Variants in OSTN observed in about 807,000 individuals in gnomAD.
OSTN encodes the protein osteocrin.
In OSTN, 9 loss-of-function variants were observed where a neutral mutation model predicts 12.0. The observed-to-expected ratio is 0.75, with a 90% confidence interval of 0.45 to 1.30. The LOEUF (loss-of-function observed/expected upper bound fraction) is 1.30, where lower values mean the gene tolerates loss of function less well. OSTN is among the 50% of genes most tolerant of loss of function. The pLI, the probability that OSTN is intolerant of heterozygous loss-of-function variation, is 0.00. For synonymous variants in OSTN, 59 were observed against 56.9 expected, an observed-to-expected ratio of 1.04 and a Z score of -0.16; for missense variants, 148 against 152.3, an observed-to-expected ratio of 0.97 and a Z score of 0.15.
At chr3:191,203,282 C>T (rs1714192616) in intron 1 of OSTN, among the ~76,000 whole-genome samples, 1 of 152,176 alleles carries the variant, frequency 6.6e-6, no homozygotes, top group Non-Finnish European at 1.5e-5. Context: ...TGCTGAGATG[C>T]AATGGTGAAC....
chr3:191,230,437 G>A (rs933050389), intron 3 of OSTN, among the ~76,000 whole-genome samples: 4 of 151,688 alleles, frequency 2.6e-5, no homozygotes, highest in South Asian at 2.1e-4. Flanking sequence ...GGTGGTGGGC[G>A]CCTGTAGCCC....
intron 2 of OSTN, among the ~76,000 whole-genome samples, chr3:191,218,137 G>A (rs1014075242): frequency 6.6e-6 from 1 of 152,126 alleles, no homozygotes; most frequent in Non-Finnish European, 1.5e-5. Flanking sequence ...AAGCACTATG[G>A]GAATGATAAG....
intron 4 of OSTN, among the ~76,000 whole-genome samples, chr3:191,250,824 C>A (rs1715544789): frequency 6.6e-6 from 1 of 152,098 alleles, no homozygotes; most frequent in Admixed American, 6.5e-5. Context: ...TGTTCCAGGC[C>A]TTATACTTGG....
chr3:191,226,120 T>C (rs1714903187), intron 3 of OSTN, among the ~76,000 whole-genome samples: 2 of 152,082 alleles, frequency 1.3e-5, no homozygotes, highest in African/African-American at 4.8e-5. Context: ...TATATGAATA[T>C]CGAGACAAAA....
intron 3 of OSTN, among the ~76,000 whole-genome samples, chr3:191,248,433 T>C (rs1323950442): frequency 6.6e-6 from 1 of 152,248 alleles, no homozygotes; most frequent in Non-Finnish European, 1.5e-5. Flanking sequence ...TTTTCATTCA[T>C]GTTTAGCGTT....
At chr3:191,239,805 T>C (rs747558975) in intron 3 of OSTN, among the ~76,000 whole-genome samples, 10 of 152,202 alleles carry the variant, frequency 6.6e-5, no homozygotes, top group Non-Finnish European at 7.4e-5. Context: ...CAGCCTTTTA[T>C]TCACTCCTTC....
chr3:191,245,771 A>G (rs1715414979), intron 3 of OSTN, among the ~76,000 whole-genome samples: 1 of 152,168 alleles, frequency 6.6e-6, no homozygotes, highest in Non-Finnish European at 1.5e-5. Context: ...CGTATCTCGA[A>G]AAGAGTAAAA....
chr3:191,243,164 C>A (rs1715358077), intron 3 of OSTN, among the ~76,000 whole-genome samples: 1 of 152,050 alleles, frequency 6.6e-6, no homozygotes, highest in South Asian at 2.1e-4. Flanking sequence ...CAAGGATTAG[C>A]ATAAATTTGA....
intron 4 of OSTN, among the ~76,000 whole-genome samples, chr3:191,261,300 A>C (rs765128181): frequency 6.6e-6 from 1 of 152,188 alleles, no homozygotes; most frequent in Non-Finnish European, 1.5e-5. Flanking sequence ...AGAATGAAGG[A>C]CCCAATCTAC....
intron 4 of OSTN, among the ~76,000 whole-genome samples, chr3:191,257,169 G>C (rs747027575): frequency 5.4e-4 from 57 of 105,364 alleles, no homozygotes; most frequent in Admixed American, 9.0e-4. Flanking sequence ...CTGGGTGACA[G>C]AGCAAAACCC....
At chr3:191,228,382 G>A (rs1257586476) in intron 3 of OSTN, among the ~76,000 whole-genome samples, 1 of 152,168 alleles carries the variant, frequency 6.6e-6, no homozygotes, top group African/African-American at 2.4e-5. Context: ...AAGTGTTTCT[G>A]TGTATACATT....
At chr3:191,234,770 G>A (rs568469203) in intron 3 of OSTN, among the ~76,000 whole-genome samples, 1 of 151,370 alleles carries the variant, frequency 6.6e-6, no homozygotes, top group African/African-American at 2.4e-5. Context: ...CATACTCCCG[G>A]GAAGAGGTCT....
At chr3:191,202,929 T>C (rs1714183298) in intron 1 of OSTN, among the ~76,000 whole-genome samples, 1 of 152,202 alleles carries the variant, frequency 6.6e-6, no homozygotes, top group Non-Finnish European at 1.5e-5. Flanking sequence ...AAATATTTAG[T>C]TATTTGGGGA....
intron 4 of OSTN, among the ~76,000 whole-genome samples, chr3:191,252,238 T>C (rs1715576072): frequency 2.0e-5 from 3 of 152,206 alleles, no homozygotes; most frequent in Admixed American, 1.3e-4. Context: ...TTTTTAAAAA[T>C]ATATTTTTAG....
At chr3:191,237,874 T>A (rs1378696843) in intron 3 of OSTN, among the ~76,000 whole-genome samples, 3 of 152,224 alleles carry the variant, frequency 2.0e-5, no homozygotes, top group Non-Finnish European at 4.4e-5. Flanking sequence ...GCCCCGTTCC[T>A]GTTCATGCCC....
At chr3:191,210,589 A>C (rs1714394515) in intron 1 of OSTN, among the ~76,000 whole-genome samples, 1 of 152,232 alleles carries the variant, frequency 6.6e-6, no homozygotes, top group Non-Finnish European at 1.5e-5. Flanking sequence ...AATGAAGCTT[A>C]AGTAGGGTAA....
rs779294960 is a variant in OSTN at position 191,218,867 on chromosome 3, G to T, written c.223G>T (p.Val75Leu). Residue 75 changes from valine (V) to leucine (L), a missense_variant, in exon 3 of 5, where the codon GTG becomes TTG. Transcript: ENST00000682035. The stretch of plus-strand genomic sequence containing the variant: ...TGAATTGGTGTCCCTAGAAAATGAT[G>T]TGATTGAGACAAAGAAGAAAAGGAG... ...LDELVSLEND[V>L]IETKKKRSFS... 6.2e-7 allele frequency: 1 copy of T among 1,614,118 alleles called. No individual in the cohort carries two copies. The highest frequency in any genetic ancestry group is 1.7e-5 in the Admixed American group (1 of 60,012).
intron 3 of OSTN, 66 bp from the exon 4 acceptor site, chr3:191,249,971 A>C: frequency 7.9e-7 from 1 of 1,258,686 alleles, no homozygotes; most frequent in South Asian, 1.2e-5. Context: ...ACATAAAATA[A>C]AGAACAAAAA....
At chr3:191,237,855 C>T (rs1364096425) in intron 3 of OSTN, among the ~76,000 whole-genome samples, 3 of 152,162 alleles carry the variant, frequency 2.0e-5, no homozygotes, top group Non-Finnish European at 4.4e-5. Context: ...GATGTGGGGG[C>T]CCTCTTCTGC....
Sources: gnomAD v4.1 joint callset for allele counts (sites outside exome capture counted in the v4.1 genomes callset) on GRCh38, gnomAD v4.1.1 for gene constraint, MANE v1.5 for transcripts, NCBI Gene and HGNC (gene_info 2026-07-23, HGNC 2026-07-21) for gene names.